GDAP2: variants seen among roughly 807,000 people sequenced by gnomAD.
GDAP2 encodes the protein ganglioside-induced differentiation-associated protein 2.
In GDAP2, 51 loss-of-function variants were observed where a neutral mutation model predicts 67.0. The observed-to-expected ratio is 0.76, with a 90% CI of 0.61 to 0.96. The LOEUF is 0.96. GDAP2 is among the 40% of genes least tolerant of loss of function. GDAP2 has a pLI of 0.00. For missense variants in GDAP2, 547 were observed against 588.3 expected (o/e 0.93, Z 0.73); for synonymous variants, 203 against 207.3 (o/e 0.98, Z 0.18).
intron 2 of GDAP2, 82 bp from the exon 3 acceptor site, chr1:117,918,818 T>A (rs1181364253): frequency 2.7e-6 from 3 of 1,128,354 alleles, no homozygotes; most frequent in Non-Finnish European, 3.8e-6. Context: ...AAACATTTTA[T>A]CCTTGTCTTT....
intron 6 of GDAP2, among the ~76,000 whole-genome samples, chr1:117,899,846 T>C (rs1649386803): frequency 6.6e-6 from 1 of 152,202 alleles, no homozygotes; most frequent in Non-Finnish European, 1.5e-5. Context: ...GGAATTGTTT[T>C]CTCATTACCT....
At chr1:117,916,226 A>C (rs1650040266) in intron 3 of GDAP2, among the ~76,000 whole-genome samples, 1 of 152,242 alleles carries the variant, frequency 6.6e-6, no homozygotes, top group African/African-American at 2.4e-5. Context: ...TAGTGCTTTC[A>C]GGAAGAGATA....
At chr1:117,925,615 C>T (rs1396630425) in intron 1 of GDAP2, among the ~76,000 whole-genome samples, 1 of 152,134 alleles carries the variant, frequency 6.6e-6, no homozygotes, top group Non-Finnish European at 1.5e-5. Flanking sequence ...AATATTTCCA[C>T]ACACAATTAC....
intron 3 of GDAP2, among the ~76,000 whole-genome samples, chr1:117,917,582 G>A (rs1650094976): frequency 6.6e-6 from 1 of 152,220 alleles, no homozygotes; most frequent in South Asian, 2.1e-4. Context: ...TAGAGATGAG[G>A]AAGCTCAGAC....
chr1:117,928,533 C>T (rs2101180391), intron 1 of GDAP2, among the ~76,000 whole-genome samples: 1 of 152,322 alleles, frequency 6.6e-6, no homozygotes, highest in Non-Finnish European at 1.5e-5. Context: ...AATTTCTTCC[C>T]TTCTCATTTA....
intron 3 of GDAP2, among the ~76,000 whole-genome samples, chr1:117,918,353 T>A (rs1009133332): frequency 2.0e-5 from 3 of 152,230 alleles, no homozygotes; most frequent in African/African-American, 7.2e-5. Context: ...GATTGTCATT[T>A]AAAATTCAGG....
rs903098008 is a variant in GDAP2, at chr1:117,867,152, T to C, written c.*3417A>G. 1 of 152,102 alleles carries C rather than the reference T, an allele frequency of 6.6e-6. No individual in the cohort carries two copies. Among genetic ancestry groups the C allele is most frequent in the African/African-American group, 2.4e-5 (1 of 41,406 alleles). The allele number at this position is 152,102 out of a possible 1,614,324, so 9.4% of individuals were successfully genotyped here. On this transcript the variant is annotated 3_prime_UTR_variant, in exon 14 of 14. Coordinates refer to ENST00000369443, the MANE Select transcript of GDAP2 (RefSeq NM_017686.4). Reference sequence around the variant, plus strand: ...TTTATCACTTCTCCATTAACTGTTATAAAGACAAGACTAAACCTACAGTTT... The same window carrying C: ...TTTATCACTTCTCCATTAACTGTTACAAAGACAAGACTAAACCTACAGTTT...
chr1:117,921,733 G>A (rs1225523153), intron 1 of GDAP2, among the ~76,000 whole-genome samples: 2 of 152,146 alleles, frequency 1.3e-5, no homozygotes, highest in Non-Finnish European at 2.9e-5. Flanking sequence ...TCATGGTAAT[G>A]ATTAAATATA....
chr1:117,904,215 C>T (rs1266427806), intron 6 of GDAP2, among the ~76,000 whole-genome samples: 2 of 152,110 alleles, frequency 1.3e-5, no homozygotes, highest in Non-Finnish European at 2.9e-5. Context: ...TCTTGAACTC[C>T]TGACCTCTGG....
At position 117,870,031 on chromosome 1, in the gene GDAP2, A is replaced by G. The variant is rs1648200464; in HGVS notation, c.*538T>C. The G allele has an allele frequency of 6.5e-6, 1 of 152,736 alleles. No individual in the cohort carries two copies. Among genetic ancestry groups the G allele is most frequent in the African/African-American group, 2.4e-5 (1 of 41,574 alleles). 9.5% of individuals were successfully genotyped at this position (152,736 alleles called of 1,614,324 possible). On this transcript the variant is annotated 3_prime_UTR_variant, in exon 14 of 14. Coordinates refer to ENST00000369443, the MANE Select transcript of GDAP2 (RefSeq NM_017686.4). ...GTCCTATGTTTTGCTAATGATTTTG[A>G]TGTTTTTTGTCAGATACATTTCCAC...
intron 13 of GDAP2, among the ~76,000 whole-genome samples, chr1:117,871,700 C>T (rs1051116330): frequency 6.6e-6 from 1 of 152,062 alleles, no homozygotes; most frequent in Admixed American, 6.5e-5. Flanking sequence ...GAAAACAAGA[C>T]ATCTAGGAAA....
chr1:117,879,855 AG>A (rs1367474605), intron 12 of GDAP2, among the ~76,000 whole-genome samples: 1 of 152,064 alleles, frequency 6.6e-6, no homozygotes, highest in East Asian at 1.9e-4. Context: ...ATGAGGGTGG[AG>A]AAACACGGGA....
chr1:117,920,079 A>G, intron 2 of GDAP2, 103 bp downstream of exon 2: 2 of 673,136 alleles, frequency 3.0e-6, no homozygotes, highest in Non-Finnish European at 5.3e-6. Flanking sequence ...ATATACGTAT[A>G]CGCAAAGCTG....
intron 5 of GDAP2, among the ~76,000 whole-genome samples, chr1:117,911,397 T>C (rs1167165396): frequency 6.6e-6 from 1 of 152,224 alleles, no homozygotes; most frequent in Non-Finnish European, 1.5e-5. Context: ...TATGATATCA[T>C]GAAATCTGAC....
chr1:117,908,492 A>G (rs1649734853), intron 5 of GDAP2, among the ~76,000 whole-genome samples: 1 of 152,120 alleles, frequency 6.6e-6, no homozygotes, highest in Non-Finnish European at 1.5e-5. Flanking sequence ...TTTTTCCTCT[A>G]TTCTGCTTTA....
chr1:117,904,710 C>T (rs1183633452), intron 6 of GDAP2, among the ~76,000 whole-genome samples: 1 of 152,106 alleles, frequency 6.6e-6, no homozygotes, highest in Non-Finnish European at 1.5e-5. Context: ...CTTTGTTTAC[C>T]TGGCTGTCTC....
chr1:117,915,474 T>G (rs981853900), intron 3 of GDAP2, among the ~76,000 whole-genome samples: 8 of 152,186 alleles, frequency 5.3e-5, no homozygotes, highest in African/African-American at 1.9e-4. Flanking sequence ...GCAAAGGACA[T>G]TTTTGGATCA....
Position 117,912,684 on chromosome 1 carries a change from C to G in GDAP2, c.317-1G>C. On this transcript the variant is annotated splice_acceptor_variant, in intron 3 of 13. Coordinates refer to ENST00000369443, the MANE Select transcript of GDAP2 (RefSeq NM_017686.4). LOFTEE classifies it high-confidence loss of function. Reference sequence around the variant, plus strand: ...AATTTTGCTTCACCTGTTCGGCACCCTGAAAACAATGGAAACACACATAAG... The same window carrying G: ...AATTTTGCTTCACCTGTTCGGCACCGTGAAAACAATGGAAACACACATAAG... 6.2e-7 allele frequency: 1 copy of G among 1,611,988 alleles called. No homozygotes were observed. The highest frequency in any genetic ancestry group is 8.5e-7 in the Non-Finnish European group (1 of 1,178,568).
chr1:117,913,171 T>C (rs1649920042), intron 3 of GDAP2, among the ~76,000 whole-genome samples: 1 of 152,132 alleles, frequency 6.6e-6, no homozygotes, highest in Non-Finnish European at 1.5e-5. Context: ...AGTACTTACT[T>C]CACAGGATTA....
Sources: allele counts gnomAD v4.1 joint callset (sites outside exome capture counted in the v4.1 genomes callset), GRCh38; gene constraint gnomAD v4.1.1; transcripts MANE v1.5; gene names NCBI Gene and HGNC (gene_info 2026-07-23, HGNC 2026-07-21).